The following OR1J2 variants were observed in gnomAD, a reference collection of about 807,000 sequenced individuals.
The protein encoded by OR1J2 is olfactory receptor 1J2.
For synonymous variants in OR1J2, 142 were observed against 99.7 expected, an observed-to-expected ratio of 1.42 and a Z score of -2.52; for missense variants, 304 against 246.1, an observed-to-expected ratio of 1.24 and a Z score of -1.57.
At chr9:122,453,343 A>G in the OR1J2 span, among the ~76,000 whole-genome samples, 1 of 151,992 alleles carries the variant, frequency 6.6e-6, no homozygotes, top group Non-Finnish European at 1.5e-5. Flanking sequence ...CTGGGAGAGA[A>G]CTCCCCCTAG....
At chr9:122,579,123 CAG>C in the OR1J2 span, among the ~76,000 whole-genome samples, 3 of 151,656 alleles carry the variant, frequency 2.0e-5, no homozygotes, top group Non-Finnish European at 4.4e-5. Flanking sequence ...GTAAGAGAAA[CAG>C]AAATCATCCA....
At chr9:122,533,067 A>C in the OR1J2 span, among the ~76,000 whole-genome samples, 1 of 152,154 alleles carries the variant, frequency 6.6e-6, no homozygotes, top group African/African-American at 2.4e-5. Context: ...TCCAAGTGAA[A>C]GCGAAGAGAG....
chr9:122,561,275 G>A, the OR1J2 span, among the ~76,000 whole-genome samples: 4 of 152,012 alleles, frequency 2.6e-5, no homozygotes, highest in African/African-American at 9.7e-5. Flanking sequence ...TTTGCATTGG[G>A]TTAGAACATG....
chr9:122,486,959 T>C, the OR1J2 span, among the ~76,000 whole-genome samples: 1 of 151,986 alleles, frequency 6.6e-6, no homozygotes, highest in Non-Finnish European at 1.5e-5. Flanking sequence ...CAGAAGAGAA[T>C]AGAGAAACCA....
chr9:122,568,732 A>G, the OR1J2 span: 2 of 381,570 alleles, frequency 5.2e-6, no homozygotes, highest in Non-Finnish European at 9.3e-6. Context: ...AACTTTCAGA[A>G]GTGGACTCCT....
the OR1J2 span, chr9:122,475,962 C>T: frequency 6.6e-6 from 1 of 152,208 alleles, no homozygotes; most frequent in African/African-American, 2.4e-5. Context: ...TGCCAAGATT[C>T]AAGTCTTCCT....
Position 122,511,694 on chromosome 9 carries a change from A to C in OR1J2, c.893A>C (p.Lys298Thr). Residue 298 changes from lysine to threonine, a missense_variant, in exon 1 of 1, where the codon AAA becomes ACA. Physicochemically the swap from Lys to Thr is moderately conservative, Grantham distance 78 (BLOSUM62 -1). Coordinates refer to ENST00000335302, the MANE Select transcript of OR1J2 (RefSeq NM_054107.1). ...FIYSLRNRDMKEALGKLFSRA... is the reference protein window; with the variant it reads ...FIYSLRNRDMTEALGKLFSRA... ...TACAGCCTTAGGAACAGGGACATGAAAGAGGCCCTTGGGAAACTCTTCAGT... is the reference window on the plus strand; with the variant it reads ...TACAGCCTTAGGAACAGGGACATGACAGAGGCCCTTGGGAAACTCTTCAGT... 2 of 781,024 alleles carry C rather than the reference A, an allele frequency of 2.6e-6. No homozygotes were observed. The allele number at this position is 781,024 out of a possible 1,614,324, so 48.4% of individuals were successfully genotyped here. A position where few individuals can be genotyped will look rare whatever the true frequency, so the allele number is the denominator to read the frequency against.
At chr9:122,500,566 C>T in the OR1J2 span, among the ~76,000 whole-genome samples, 1 of 152,108 alleles carries the variant, frequency 6.6e-6, no homozygotes, top group Non-Finnish European at 1.5e-5. Flanking sequence ...AAGGAATTTC[C>T]GATTTCATGA....
the OR1J2 span, among the ~76,000 whole-genome samples, chr9:122,503,713 A>G: frequency 1.4e-3 from 219 of 152,032 alleles, 1 homozygote; most frequent in African/African-American, 4.7e-3. Flanking sequence ...TTCCACTCTT[A>G]CTCCCTCCAG....
the OR1J2 span, among the ~76,000 whole-genome samples, chr9:122,473,488 C>G: frequency 3.9e-5 from 6 of 152,132 alleles, no homozygotes; most frequent in African/African-American, 1.4e-4. Flanking sequence ...ATAACTGACC[C>G]CTGGTTTAAT....
chr9:122,563,387 G>C, the OR1J2 span, among the ~76,000 whole-genome samples: 6 of 152,090 alleles, frequency 3.9e-5, no homozygotes, highest in African/African-American at 7.2e-5. Flanking sequence ...CCATAAGCTT[G>C]TTGACCATAT....
chr9:122,542,437 C>T, the OR1J2 span, among the ~76,000 whole-genome samples: 2 of 152,154 alleles, frequency 1.3e-5, no homozygotes, highest in East Asian at 3.9e-4. Flanking sequence ...TAAATGCATA[C>T]TCTCATCCAA....
the OR1J2 span, among the ~76,000 whole-genome samples, chr9:122,578,105 T>C: frequency 3.1e-3 from 465 of 152,278 alleles, no homozygotes; most frequent in African/African-American, 0.011. Context: ...AAAGTAGATA[T>C]ACCATTTGAT....
chr9:122,532,984 A>T, the OR1J2 span, among the ~76,000 whole-genome samples: 31,505 of 151,546 alleles, frequency 0.21, 3,647 homozygotes, highest in Middle Eastern at 0.29. Flanking sequence ...ACTGAAGTAA[A>T]GGGGGCTGTC....
downstream of OR1J2, among the ~76,000 whole-genome samples, chr9:122,514,411 G>C (rs1447194009): frequency 6.6e-6 from 1 of 152,142 alleles, no homozygotes; most frequent in African/African-American, 2.4e-5. Context: ...ATTTGCTTAG[G>C]ATGATGGCCT....
At chr9:122,561,828 C>A in the OR1J2 span, among the ~76,000 whole-genome samples, 1 of 152,146 alleles carries the variant, frequency 6.6e-6, no homozygotes, top group South Asian at 2.1e-4. Context: ...GCACTGGGAG[C>A]AGGACCCATT....
the OR1J2 span, chr9:122,526,767 A>G: frequency 3.1e-6 from 5 of 1,613,976 alleles, no homozygotes; most frequent in Non-Finnish European, 4.2e-6. Context: ...GATGTCACAG[A>G]AAAAGTGAGC....
chr9:122,509,079 C>T (rs557077725), upstream of OR1J2, among the ~76,000 whole-genome samples: 13 of 152,352 alleles, frequency 8.5e-5, no homozygotes, highest in African/African-American at 3.1e-4. Flanking sequence ...CATTATCACA[C>T]TGGGCCAACC....
At chr9:122,486,969 A>G in the OR1J2 span, among the ~76,000 whole-genome samples, 1 of 152,160 alleles carries the variant, frequency 6.6e-6, no homozygotes, top group Non-Finnish European at 1.5e-5. Context: ...TAGAGAAACC[A>G]GGAAATCAGT....
Sources: allele counts gnomAD v4.1 joint callset (sites outside exome capture counted in the v4.1 genomes callset), GRCh38; gene constraint gnomAD v4.1.1; transcripts MANE v1.5; gene names NCBI Gene and HGNC (gene_info 2026-07-23, HGNC 2026-07-21).